Variants in KMT2C observed in about 807,000 individuals in gnomAD.
The protein encoded by KMT2C is lysine methyltransferase 2C.
Under a neutral mutation model 507.9 loss-of-function variants are expected in KMT2C, and 88 were observed. The observed-to-expected ratio is 0.17, with a 90% CI of 0.15 to 0.21. The LOEUF (loss-of-function observed/expected upper bound fraction) is 0.21. Ranked by LOEUF, KMT2C falls within the 10% of genes least tolerant of loss-of-function variation. KMT2C has a pLI of 1.00. For missense variants in KMT2C, 4,954 were observed against 5,957.8 expected, an observed-to-expected ratio of 0.83 and a Z score of 5.55; for synonymous variants, 2,049 against 2,080.8, an observed-to-expected ratio of 0.98 and a Z score of 0.42.
At chr7:152,381,221 G>A (rs1046717780) in intron 1 of KMT2C, among the ~76,000 whole-genome samples, 6 of 152,184 alleles carry the variant, frequency 3.9e-5, no homozygotes, top group East Asian at 3.9e-4. Flanking sequence ...TTCTAAACAC[G>A]CCAATAACAT....
intron 1 of KMT2C, chr7:152,368,670 T>C (rs1290409629): frequency 1.4e-6 from 2 of 1,448,100 alleles, no homozygotes; most frequent in Non-Finnish European, 1.9e-6. Flanking sequence ...AAACTCTCTA[T>C]TGACCACCAG....
At chr7:152,205,442 CAG>C in intron 24 of KMT2C, among the ~76,000 whole-genome samples, 1 of 137,906 alleles carries the variant, frequency 7.3e-6, no homozygotes, top group East Asian at 2.1e-4. Flanking sequence ...ACTTATCAAA[CAG>C]AATACAAAAA....
intron 3 of KMT2C, among the ~76,000 whole-genome samples, chr7:152,318,581 C>T (rs369953967): frequency 7.6e-5 from 11 of 144,392 alleles, no homozygotes; most frequent in African/African-American, 1.6e-4. Context: ...GAGCCGAGAT[C>T]GCACCACTGC....
Position 152,156,274 on chromosome 7 carries a change from T to C in KMT2C, c.11743A>G (p.Lys3915Glu). The C allele has an allele frequency of 6.2e-7, 1 of 1,614,178 alleles. No homozygotes were observed. The highest frequency in any genetic ancestry group is 8.5e-7 in the Non-Finnish European group (1 of 1,180,028). Reference protein sequence around the residue: ...PPTPPPMACQKMANGFATTEE... With the variant: ...PPTPPPMACQEMANGFATTEE... ...GTTGTTGCAAAACCATTGGCCATCT[T>C]CTGACAAGCCATAGGAGGTGGTGTA... The change falls in exon 45 of 59, where the codon AAG (lysine) becomes GAG (glutamate). Residue 3915 changes from lysine (K) to glutamate (E), a missense_variant. This residue lies in a region of KMT2C where 104 missense variants were observed against 134.3 expected (regional missense o/e 0.77). Transcript: ENST00000262189.
At chr7:152,189,478 T>A (rs6464212) in intron 31 of KMT2C, among the ~76,000 whole-genome samples, 2 of 152,220 alleles carry the variant, frequency 1.3e-5, no homozygotes, top group Admixed American at 1.3e-4. Flanking sequence ...ACCTGATCAC[T>A]TGATTTTTTT....
At chr7:152,282,551 T>C (rs78134823) in intron 6 of KMT2C, among the ~76,000 whole-genome samples, 1 of 140,794 alleles carries the variant, frequency 7.1e-6, no homozygotes, top group Non-Finnish European at 1.6e-5. Context: ...CTCACAAATA[T>C]ATACATGAAA....
intron 20 of KMT2C, among the ~76,000 whole-genome samples, chr7:152,223,036 C>T (rs903928959): frequency 3.3e-5 from 5 of 152,204 alleles, no homozygotes; most frequent in Admixed American, 2.6e-4. Flanking sequence ...CAGGTATGTG[C>T]TCCAGGTAAT....
At chr7:152,318,162 A>G (rs1366179359) in intron 3 of KMT2C, among the ~76,000 whole-genome samples, 1 of 152,006 alleles carries the variant, frequency 6.6e-6, no homozygotes, top group Non-Finnish European at 1.5e-5. Flanking sequence ...GAAAGAAAAA[A>G]CATATATACA....
At chr7:152,192,364 A>C (rs1238825684) in intron 31 of KMT2C, among the ~76,000 whole-genome samples, 1 of 152,044 alleles carries the variant, frequency 6.6e-6, no homozygotes, top group Non-Finnish European at 1.5e-5. Context: ...AAGATGGTGA[A>C]ACCCCGTCTC....
intron 6 of KMT2C, among the ~76,000 whole-genome samples, chr7:152,305,274 A>C (rs957047586): frequency 3.3e-5 from 5 of 152,242 alleles, no homozygotes; most frequent in African/African-American, 7.2e-5. Context: ...AAAACAAAAA[A>C]GCAGATATTA....
chr7:152,396,759 G>A (rs2097540428), intron 1 of KMT2C, among the ~76,000 whole-genome samples: 1 of 152,196 alleles, frequency 6.6e-6, no homozygotes, highest in African/African-American at 2.4e-5. Context: ...TGTTGTTAGT[G>A]AGGATGCCAG....
chr7:152,253,781 G>A (rs1328152373), intron 9 of KMT2C, among the ~76,000 whole-genome samples: 5 of 152,056 alleles, frequency 3.3e-5, no homozygotes, highest in African/African-American at 9.7e-5. Context: ...TCCAATGATG[G>A]CCCTTCATGT....
intron 1 of KMT2C, chr7:152,366,804 C>A (rs2129238331): frequency 8.9e-6 from 2 of 225,096 alleles, no homozygotes; most frequent in South Asian, 2.0e-4. Context: ...TGTCCGCAGG[C>A]TTCGGCCCGG....
chr7:152,258,238 G>A (rs181754956), intron 9 of KMT2C, among the ~76,000 whole-genome samples: 20 of 152,272 alleles, frequency 1.3e-4, no homozygotes, highest in African/African-American at 3.9e-4. Context: ...CAACACCAGC[G>A]CCAGCTTGAA....
intron 3 of KMT2C, among the ~76,000 whole-genome samples, chr7:152,320,319 G>A (rs2096761854): frequency 6.6e-6 from 1 of 152,086 alleles, no homozygotes; most frequent in East Asian, 1.9e-4. Context: ...TACGGTCTTG[G>A]CTCACTGTAA....
intron 34 of KMT2C, 21 bp downstream of exon 34, chr7:152,185,537 T>C (rs774416756): frequency 5.9e-6 from 9 of 1,525,230 alleles, no homozygotes; most frequent in Admixed American, 1.7e-5. Context: ...ATTTAAAAGA[T>C]AGAGGAGTTT....
intron 1 of KMT2C, chr7:152,368,533 A>C (rs2097265982): frequency 1.5e-6 from 2 of 1,363,022 alleles, no homozygotes; most frequent in Admixed American, 3.9e-5. Context: ...AGCACAGCAC[A>C]AAGAATTAGA....
intron 9 of KMT2C, among the ~76,000 whole-genome samples, chr7:152,259,385 T>C (rs2095716827): frequency 6.7e-6 from 1 of 148,768 alleles, no homozygotes; most frequent in Non-Finnish European, 1.5e-5. Context: ...ACGTATGTAA[T>C]TAACCCTCAA....
At chr7:152,312,179 G>A in intron 4 of KMT2C, 1 of 317,382 alleles carries the variant, frequency 3.2e-6, no homozygotes, top group Non-Finnish European at 5.7e-6. Flanking sequence ...AAACCCACAG[G>A]GAAGTATTAA....
Sources: gnomAD v4.1 joint callset for allele counts (sites outside exome capture counted in the v4.1 genomes callset) on GRCh38, gnomAD v4.1.1 for gene constraint, gnomAD v4.1.1 regional missense constraint, MANE v1.5 for transcripts, NCBI Gene and HGNC (gene_info 2026-07-23, HGNC 2026-07-21) for gene names.